Variants in GPM6A observed in about 807,000 individuals in gnomAD.
GPM6A encodes the protein neuronal membrane glycoprotein M6-a.
In GPM6A, 7 loss-of-function variants were observed where a neutral mutation model predicts 32.1. The observed-to-expected ratio is 0.22, with a 90% CI of 0.12 to 0.41. The LOEUF is 0.41. Among genes scored for constraint, GPM6A ranks in the 10% least tolerant of loss-of-function variants. The pLI is 1.00. For missense variants in GPM6A, 235 were observed against 347.2 expected (o/e 0.68, Z 2.57); for synonymous variants, 130 against 123.4 (o/e 1.05, Z -0.35).
chr4:175,813,965 G>C (rs924142812), upstream of GPM6A, among the ~76,000 whole-genome samples: 1 of 151,058 alleles, frequency 6.6e-6, no homozygotes, highest in Admixed American at 6.5e-5. Context: ...AGAGCTGCTT[G>C]CTCAGTGCAC....
chr4:175,702,626 T>G (rs113578859), intron 1 of GPM6A, among the ~76,000 whole-genome samples: 109 of 152,252 alleles, frequency 7.2e-4, no homozygotes, highest in African/African-American at 2.4e-3. Context: ...GAGATTCTCC[T>G]GCCTTAGCCT....
At chr4:175,982,872 A>G (rs1740858425) in intron 1 of GPM6A, among the ~76,000 whole-genome samples, 1 of 152,144 alleles carries the variant, frequency 6.6e-6, no homozygotes, top group Non-Finnish European at 1.5e-5. Flanking sequence ...AATGTGGTGT[A>G]TCTTTCTATT....
At chr4:175,937,870 C>A (rs7663888) in intron 1 of GPM6A, among the ~76,000 whole-genome samples, 23,002 of 151,584 alleles carry the variant, frequency 0.15, 3,163 homozygotes, top group African/African-American at 0.37. Flanking sequence ...ACAATGAAAA[C>A]AAAAAGCACC....
At chr4:175,936,162 T>C (rs1308237561) in intron 1 of GPM6A, among the ~76,000 whole-genome samples, 6 of 150,848 alleles carry the variant, frequency 4.0e-5, no homozygotes, top group Admixed American at 6.6e-5. Flanking sequence ...AAAAATTAGC[T>C]GGGCTTGGTG....
intron 3 of GPM6A, among the ~76,000 whole-genome samples, chr4:175,662,607 C>CA (rs1742493626): frequency 6.6e-6 from 1 of 151,530 alleles, no homozygotes; most frequent in Non-Finnish European, 1.5e-5. Context: ...CAAAAAAACC[C>CA]AAAAACAAAA....
chr4:175,959,908 T>C (rs1936862785), intron 1 of GPM6A, among the ~76,000 whole-genome samples: 1 of 152,230 alleles, frequency 6.6e-6, no homozygotes, highest in Admixed American at 6.5e-5. Flanking sequence ...AGGAAATTAC[T>C]GTCTGACATT....
chr4:175,721,530 G>A (rs116549045), intron 1 of GPM6A, among the ~76,000 whole-genome samples: 6,808 of 151,980 alleles, frequency 0.045, 190 homozygotes, highest in Non-Finnish European at 0.065. Context: ...AGGTGGTAAG[G>A]GGCGAAGGAC....
At chr4:175,643,910 G>T (rs781664530) in intron 4 of GPM6A, among the ~76,000 whole-genome samples, 2 of 151,990 alleles carry the variant, frequency 1.3e-5, no homozygotes, top group African/African-American at 2.4e-5. Context: ...GTGCACATAC[G>T]GTCCTTCCCA....
chr4:175,958,829 T>C (rs1740073675), intron 1 of GPM6A, among the ~76,000 whole-genome samples: 1 of 152,224 alleles, frequency 6.6e-6, no homozygotes, highest in African/African-American at 2.4e-5. Flanking sequence ...TTTACACTCT[T>C]ACTGCTGCCT....
intron 1 of GPM6A, among the ~76,000 whole-genome samples, chr4:175,720,316 A>G (rs2581761): frequency 0.49 from 74,305 of 152,002 alleles, 18,980 homozygotes; most frequent in Middle Eastern, 0.56. Context: ...TTTTTATTTC[A>G]TGTTACTAAT....
At chr4:175,793,186 TTAA>T (rs1163833429) in intron 1 of GPM6A, among the ~76,000 whole-genome samples, 2 of 152,242 alleles carry the variant, frequency 1.3e-5, no homozygotes, top group East Asian at 3.9e-4. Flanking sequence ...CTCCAAAAAA[TTAA>T]TAATAACTGC....
At chr4:175,945,900 A>G (rs1739588554) in intron 1 of GPM6A, among the ~76,000 whole-genome samples, 1 of 147,492 alleles carries the variant, frequency 6.8e-6, no homozygotes, top group South Asian at 2.2e-4. Context: ...ATTACGTACA[A>G]CTAAGTAATA....
Position 175,719,260 on chromosome 4 carries a change from G to A in GPM6A, c.38-17493C>T, listed in dbSNP as rs569156257. The stretch of plus-strand genomic sequence containing the variant: ...TGTCACCAGGCTGGAGTGCAGTGGC[G>A]CAATCTCAGTTCACTGCAACCTCTG... On this transcript the variant is annotated intron_variant, in intron 1 of 6. Transcript: ENST00000393658. Among the ~76,000 whole-genome samples the A allele has an allele frequency of 1.0e-4, 15 of 150,724 alleles. No homozygotes were observed. In the South Asian group the frequency reaches 1.0e-3, roughly 11 times the overall value.
chr4:175,657,914 A>C (rs1288681811), intron 3 of GPM6A, among the ~76,000 whole-genome samples: 1 of 152,194 alleles, frequency 6.6e-6, no homozygotes, highest in South Asian at 2.1e-4. Flanking sequence ...CTATCACTAC[A>C]ACTGCAAAGG....
rs111522032 is a variant in GPM6A at position 175,728,113 on chromosome 4, T to A, written c.38-26346A>T. On this transcript the variant is annotated intron_variant, in intron 1 of 6. Coordinates refer to ENST00000393658, the MANE Select transcript of GPM6A (RefSeq NM_201591.3). ...TGGTAACAATGGAGCAACTGTACAC[T>A]CATTTGATTAGTATTCATCATCATA... Among the ~76,000 whole-genome samples the A allele has an allele frequency of 5.7e-3, 868 of 151,840 alleles. 5 individuals carry two copies. The highest frequency in any genetic ancestry group is 0.017 in the South Asian group (84 of 4,808).
At chr4:175,822,367 T>G (rs1735301999) in intron 1 of GPM6A, among the ~76,000 whole-genome samples, 1 of 152,148 alleles carries the variant, frequency 6.6e-6, no homozygotes, top group Non-Finnish European at 1.5e-5. Flanking sequence ...TTTAAAAAGC[T>G]GTCCACTTTA....
At chr4:175,900,218 A>G (rs1283520189) in intron 1 of GPM6A, among the ~76,000 whole-genome samples, 3 of 151,008 alleles carry the variant, frequency 2.0e-5, no homozygotes, top group African/African-American at 7.3e-5. Context: ...GGTTGCAGTG[A>G]GCCAAGATCG....
At chr4:175,932,620 AAAT>A (rs1434436921) in intron 1 of GPM6A, among the ~76,000 whole-genome samples, 8 of 152,224 alleles carry the variant, frequency 5.3e-5, no homozygotes, top group Admixed American at 1.3e-4. Context: ...TTTAAAACAA[AAAT>A]AATAGCAAAA....
At chr4:175,967,558 A>G (rs965407058) in intron 1 of GPM6A, among the ~76,000 whole-genome samples, 2 of 152,200 alleles carry the variant, frequency 1.3e-5, no homozygotes, top group African/African-American at 4.8e-5. Context: ...AAATTAATAA[A>G]ATATTATTTT....
Sources: allele counts gnomAD v4.1 joint callset (sites outside exome capture counted in the v4.1 genomes callset), GRCh38; gene constraint gnomAD v4.1.1; transcripts MANE v1.5; gene names NCBI Gene and HGNC (gene_info 2026-07-23, HGNC 2026-07-21).